Variants in VPS53 observed in about 807,000 individuals in gnomAD.
VPS53 encodes VPS53 subunit of GARP complex.
VPS53 carries 70 observed loss-of-function variants against 107.0 expected under a neutral mutation model. The ratio of observed to expected loss-of-function variants is 0.65; its 90% CI spans 0.54 to 0.80. The LOEUF (loss-of-function observed/expected upper bound fraction) is 0.80. Among genes scored for constraint, VPS53 ranks in the 30% least tolerant of loss-of-function variants. VPS53 has a pLI of 0.00. For synonymous variants in VPS53, 409 were observed against 393.3 expected, an observed-to-expected ratio of 1.04 and a Z score of -0.47; for missense variants, 917 against 1,049.4, an observed-to-expected ratio of 0.87 and a Z score of 1.74.
chr17:712,115 C>CAGAAACGTTTT (rs1973664921), intron 1 of VPS53, among the ~76,000 whole-genome samples: 1 of 150,732 alleles, frequency 6.6e-6, no homozygotes, highest in Non-Finnish European at 1.5e-5. Context: ...CACACCCGGC[C>CAGAAACGTTTT]TTCATGGGCA....
intron 15 of VPS53, among the ~76,000 whole-genome samples, chr17:555,722 A>C (rs552499528): frequency 3.9e-5 from 6 of 152,318 alleles, no homozygotes; most frequent in Non-Finnish European, 4.4e-5. Flanking sequence ...AGAGCAACCA[A>C]ACATTATGTA....
At chr17:571,985 C>T (rs1294673627) in intron 13 of VPS53, among the ~76,000 whole-genome samples, 3 of 151,644 alleles carry the variant, frequency 2.0e-5, no homozygotes, top group South Asian at 2.1e-4. Flanking sequence ...AAGTGAGGAG[C>T]GTCTCTGCCT....
chr17:568,561 T>C (rs1294664029), intron 13 of VPS53, among the ~76,000 whole-genome samples: 1 of 152,212 alleles, frequency 6.6e-6, no homozygotes, highest in African/African-American at 2.4e-5. Flanking sequence ...AGCTTCTTAA[T>C]TCAAGGGTAC....
chr17:609,982 A>G (rs1353714799), intron 11 of VPS53, among the ~76,000 whole-genome samples: 2 of 151,892 alleles, frequency 1.3e-5, no homozygotes, highest in Non-Finnish European at 1.5e-5. Context: ...AAAAAAAAAA[A>G]TTAGCCAGGC....
intron 4 of VPS53, among the ~76,000 whole-genome samples, chr17:681,903 C>T (rs1174450642): frequency 6.6e-6 from 1 of 152,180 alleles, no homozygotes; most frequent in Non-Finnish European, 1.5e-5. Context: ...CCCCTTGTGA[C>T]TCAGTCACCT....
chr17:573,358 T>C (rs1914336205), intron 13 of VPS53, among the ~76,000 whole-genome samples: 1 of 152,232 alleles, frequency 6.6e-6, no homozygotes, highest in Admixed American at 6.5e-5. Flanking sequence ...TAGCCCAACC[T>C]GCTAGTGGCC....
At chr17:611,678 A>G (rs1236909649) in intron 11 of VPS53, among the ~76,000 whole-genome samples, 1 of 152,276 alleles carries the variant, frequency 6.6e-6, no homozygotes, top group Non-Finnish European at 1.5e-5. Flanking sequence ...CGATATTCAC[A>G]GCAGTATTCA....
intron 2 of VPS53, 27 bp from the exon 3 acceptor site, chr17:699,407 G>C (rs1973112629): frequency 6.5e-7 from 1 of 1,529,242 alleles, no homozygotes; most frequent in African/African-American, 1.4e-5. Context: ...AGAGTGCCCA[G>C]CTGTTAGTCC....
intron 10 of VPS53, among the ~76,000 whole-genome samples, chr17:626,454 A>T (rs974073096): frequency 6.6e-6 from 1 of 152,108 alleles, no homozygotes; most frequent in Non-Finnish European, 1.5e-5. Context: ...CGGGCAGATC[A>T]CCTGAGGTCG....
chr17:629,205 T>C (rs1969839140), intron 8 of VPS53, among the ~76,000 whole-genome samples: 1 of 152,186 alleles, frequency 6.6e-6, no homozygotes, highest in African/African-American at 2.4e-5. Flanking sequence ...CCTGAGTTTT[T>C]AAAATGTTGA....
intron 18 of VPS53, among the ~76,000 whole-genome samples, chr17:534,985 A>G (rs1909915527): frequency 6.6e-6 from 1 of 151,116 alleles, no homozygotes; most frequent in African/African-American, 2.4e-5. Context: ...ACAGGTGGCG[A>G]TGGGGGGAGT....
chr17:630,432 A>C (rs1025589529), intron 8 of VPS53, among the ~76,000 whole-genome samples: 10 of 152,028 alleles, frequency 6.6e-5, no homozygotes, highest in African/African-American at 2.4e-4. Context: ...TTTGACCTTC[A>C]TTTTCCTCAT....
intron 4 of VPS53, among the ~76,000 whole-genome samples, chr17:693,110 G>A (rs1972832558): frequency 6.6e-6 from 1 of 152,152 alleles, no homozygotes; most frequent in Non-Finnish European, 1.5e-5. Context: ...CTGCAGCCTG[G>A]CTGACAGCGA....
At chr17:691,862 C>A (rs1409227833) in intron 4 of VPS53, among the ~76,000 whole-genome samples, 1 of 152,124 alleles carries the variant, frequency 6.6e-6, no homozygotes, top group African/African-American at 2.4e-5. Context: ...CTTACTGTGC[C>A]TAATTTGCAT....
chr17:710,698 G>A, intron 1 of VPS53, 85 bp from the exon 2 acceptor site: 1 of 1,073,166 alleles, frequency 9.3e-7, no homozygotes, highest in South Asian at 1.4e-5. Context: ...AAAAGGAAAG[G>A]GCCGGGCACG....
chr17:605,244 G>C (rs1968511584), intron 11 of VPS53, among the ~76,000 whole-genome samples: 1 of 152,336 alleles, frequency 6.6e-6, no homozygotes, highest in Admixed American at 6.5e-5. Context: ...AGGCGGCACT[G>C]TAGTGGTGAG....
chr17:587,997 CCT>C (rs1312382669), intron 12 of VPS53, among the ~76,000 whole-genome samples: 3 of 152,156 alleles, frequency 2.0e-5, no homozygotes, highest in Non-Finnish European at 4.4e-5. Context: ...TCCTCCCACC[CCT>C]GTTGTTACGA....
At chr17:552,142 T>G (rs1027402554) in intron 16 of VPS53, among the ~76,000 whole-genome samples, 192 bp from the exon 17 acceptor site, 4 of 152,180 alleles carry the variant, frequency 2.6e-5, no homozygotes, top group African/African-American at 9.7e-5. Flanking sequence ...CCTCACCCAG[T>G]CAGGATATAG....
chr17:517,427 G>A lies in VPS53; in HGVS notation c.*1701C>T, dbSNP rs1908386942. On this transcript the variant is annotated 3_prime_UTR_variant, in exon 22 of 22. Coordinates refer to ENST00000437048, the MANE Select transcript of VPS53 (RefSeq NM_001128159.3). ...CAGTGGTTATGTTGGGAAACAAGGT[G>A]GGGATGAGGAAATCAGGTTTCCAGG... 2.5e-6 allele frequency: 1 copy of A among 399,116 alleles called. No individual in the cohort carries two copies. The highest frequency in any genetic ancestry group is 2.0e-5 in the African/African-American group (1 of 48,784). 24.7% of individuals were successfully genotyped at this position (399,116 alleles called of 1,614,324 possible).
Sources: gnomAD v4.1 joint callset for allele counts (sites outside exome capture counted in the v4.1 genomes callset) on GRCh38, gnomAD v4.1.1 for gene constraint, MANE v1.5 for transcripts, NCBI Gene and HGNC (gene_info 2026-07-23, HGNC 2026-07-21) for gene names.